THNSL1: variants seen among roughly 807,000 people sequenced by gnomAD.
THNSL1 encodes the protein threonine synthase-like 1.
THNSL1 carries 48 observed loss-of-function variants against 50.4 expected under a neutral mutation model. That is an observed-to-expected ratio of 0.95 (90% CI 0.76 to 1.21). The LOEUF is 1.21. THNSL1 is among the 50% of genes most tolerant of loss of function. The probability of loss-of-function intolerance (pLI) is 0.00; values close to 1 mark genes in which losing one functional copy is unlikely to be tolerated. For synonymous variants in THNSL1, 309 were observed against 306.1 expected, an observed-to-expected ratio of 1.01 and a Z score of -0.10; for missense variants, 896 against 871.7, an observed-to-expected ratio of 1.03 and a Z score of -0.35.
chr10:24,981,245 T>A, the THNSL1 span, among the ~76,000 whole-genome samples: 1 of 152,194 alleles, frequency 6.6e-6, no homozygotes, highest in Non-Finnish European at 1.5e-5. Flanking sequence ...CCACATTAAT[T>A]CACTAATAAA....
At chr10:24,979,180 C>T in the THNSL1 span, among the ~76,000 whole-genome samples, 6 of 152,222 alleles carry the variant, frequency 3.9e-5, no homozygotes, top group East Asian at 1.9e-4. Context: ...CCTTAACTGC[C>T]GAAAAATTTC....
the THNSL1 span, among the ~76,000 whole-genome samples, chr10:25,004,353 A>G: frequency 6.6e-6 from 1 of 152,140 alleles, no homozygotes; most frequent in Non-Finnish European, 1.5e-5. Context: ...GAATTGCCAC[A>G]CTGTCTTCCA....
the THNSL1 span, among the ~76,000 whole-genome samples, chr10:24,997,393 T>C: frequency 1.4e-5 from 2 of 147,134 alleles, no homozygotes; most frequent in Admixed American, 6.7e-5. Flanking sequence ...TTTTTTTTTT[T>C]CCTCTTTTTT....
At chr10:24,953,588 T>C in the THNSL1 span, 3 of 152,336 alleles carry the variant, frequency 2.0e-5, no homozygotes, top group Non-Finnish European at 2.9e-5. Context: ...TCCACTCCTG[T>C]AGGTTCCTGC....
chr10:24,990,231 A>G, the THNSL1 span, among the ~76,000 whole-genome samples: 496 of 152,354 alleles, frequency 3.3e-3, 2 homozygotes, highest in African/African-American at 9.0e-3. Context: ...GTTCAGGAAA[A>G]AAACAGTTCA....
At chr10:25,019,101 T>C (rs1850669007) in intron 1 of THNSL1, among the ~76,000 whole-genome samples, 2 of 152,338 alleles carry the variant, frequency 1.3e-5, no homozygotes, top group African/African-American at 4.8e-5. Context: ...TTGGCTAGTT[T>C]GTGTCCTGAT....
At chr10:24,986,659 A>G in the THNSL1 span, among the ~76,000 whole-genome samples, 435 of 152,224 alleles carry the variant, frequency 2.9e-3, 5 homozygotes, top group African/African-American at 9.1e-3. Context: ...CAGCAGCTAC[A>G]GTTTTTCTCT....
chr10:24,977,455 C>T, the THNSL1 span, among the ~76,000 whole-genome samples: 1 of 152,098 alleles, frequency 6.6e-6, no homozygotes, highest in African/African-American at 2.4e-5. Flanking sequence ...AAAAATAGTT[C>T]CTAATACAAT....
chr10:25,021,687 G>A (rs1377873133), intron 1 of THNSL1, 55 bp from the exon 2 acceptor site: 1 of 152,114 alleles, frequency 6.6e-6, no homozygotes. Flanking sequence ...TCTATGTGTA[G>A]AATTTTATGA....
chr10:25,008,927 T>C, the THNSL1 span, among the ~76,000 whole-genome samples: 2 of 152,136 alleles, frequency 1.3e-5, no homozygotes, highest in African/African-American at 2.4e-5. Flanking sequence ...TATGCAGCCA[T>C]AAAAAATGAT....
the THNSL1 span, among the ~76,000 whole-genome samples, chr10:24,988,712 A>ATGTG: frequency 4.5e-5 from 1 of 22,186 alleles, no homozygotes; most frequent in African/African-American, 2.4e-4. Context: ...ATATATATAT[A>ATGTG]TATATATATA....
chr10:25,013,560 A>G (rs1167052982), upstream of THNSL1, among the ~76,000 whole-genome samples: 2 of 152,248 alleles, frequency 1.3e-5, no homozygotes, highest in Admixed American at 1.3e-4. Context: ...TAATGGTTTC[A>G]TGGACTGTTC....
the THNSL1 span, among the ~76,000 whole-genome samples, chr10:25,008,622 A>C: frequency 1.3e-5 from 2 of 152,232 alleles, no homozygotes; most frequent in Admixed American, 6.5e-5. Context: ...ACATTAAACA[A>C]AAACTAATGC....
intron 1 of THNSL1, among the ~76,000 whole-genome samples, chr10:25,017,294 A>G (rs940577062): frequency 5.3e-5 from 8 of 152,174 alleles, no homozygotes; most frequent in Non-Finnish European, 8.8e-5. Flanking sequence ...ATCTATGCAC[A>G]TGGGCCTGCC....
upstream of THNSL1, chr10:25,015,866 G>C: frequency 1.9e-6 from 3 of 1,605,542 alleles, no homozygotes; most frequent in South Asian, 3.4e-5. Context: ...ATACCTAGGA[G>C]GCTGGGGAGG....
chr10:24,984,769 A>G, the THNSL1 span: 2 of 1,612,756 alleles, frequency 1.2e-6, no homozygotes, highest in Non-Finnish European at 1.7e-6. Flanking sequence ...GTGCTTTTCA[A>G]TTATGCCAAT....
chr10:25,024,788 T>A lies in THNSL1; in HGVS notation c.1565T>A (p.Met522Lys), dbSNP rs769138186. 2.5e-6 allele frequency: 4 copies of A among 1,614,194 alleles called. No homozygotes were observed. The Admixed American group carries it at 5.0e-5, about 20-fold the overall frequency. Residue 522 changes from methionine to lysine, a missense_variant, in exon 3 of 3, where the codon ATG (methionine) becomes AAG (lysine). Transcript: ENST00000376356. ...GNILAAVYAK[M>K]MGIPIRKFIC... ...ATTTTAGCAGCAGTGTATGCCAAAA[T>A]GATGGGAATCCCGATTCGAAAATTT...
At chr10:24,965,834 T>G in the THNSL1 span, among the ~76,000 whole-genome samples, 1 of 152,228 alleles carries the variant, frequency 6.6e-6, no homozygotes, top group African/African-American at 2.4e-5. Context: ...AGATTTTATA[T>G]GAGAATACAT....
At chr10:24,985,945 GTAGTCCCAGC>G in the THNSL1 span, among the ~76,000 whole-genome samples, 1 of 152,150 alleles carries the variant, frequency 6.6e-6, no homozygotes, top group Non-Finnish European at 1.5e-5. Context: ...GCATGGGCCT[GTAGTCCCAGC>G]TACCTGAGAG....
Sources: gnomAD v4.1 joint callset for allele counts (sites outside exome capture counted in the v4.1 genomes callset) on GRCh38, gnomAD v4.1.1 for gene constraint, MANE v1.5 for transcripts, NCBI Gene and HGNC (gene_info 2026-07-23, HGNC 2026-07-21) for gene names.